DIAPH3: variants seen among roughly 807,000 people sequenced by gnomAD.
DIAPH3 encodes the protein protein diaphanous homolog 3.
In DIAPH3, 117 loss-of-function variants were observed where a neutral mutation model predicts 144.3. That is an observed-to-expected ratio of 0.81 (90% CI 0.70 to 0.95). The LOEUF (loss-of-function observed/expected upper bound fraction) is 0.95, where lower values mean the gene tolerates loss of function less well. DIAPH3 is among the 40% of genes least tolerant of loss of function. The pLI is 0.00. For missense variants in DIAPH3, 1,421 were observed against 1,412.7 expected (o/e 1.01, Z -0.09); for synonymous variants, 519 against 488.9 (o/e 1.06, Z -0.81).
At chr13:59,669,924 A>C (rs1273125987) in intron 27 of DIAPH3, among the ~76,000 whole-genome samples, 3 of 152,184 alleles carry the variant, frequency 2.0e-5, no homozygotes, top group African/African-American at 7.2e-5. Flanking sequence ...GCTAATGAAC[A>C]TGCATGCTGC....
At chr13:59,826,793 T>C (rs1487804633) in intron 24 of DIAPH3, among the ~76,000 whole-genome samples, 4 of 152,078 alleles carry the variant, frequency 2.6e-5, no homozygotes, top group African/African-American at 9.7e-5. Context: ...ACTACAAGGC[T>C]ACAGTAACCA....
intron 21 of DIAPH3, among the ~76,000 whole-genome samples, chr13:59,875,418 A>C (rs1334554597): frequency 3.3e-5 from 5 of 152,116 alleles, no homozygotes; most frequent in Non-Finnish European, 7.4e-5. Flanking sequence ...ACTGAAACGT[A>C]CATTTTTTTT....
At chr13:59,807,232 T>C (rs1488616550) in intron 25 of DIAPH3, among the ~76,000 whole-genome samples, 5 of 135,234 alleles carry the variant, frequency 3.7e-5, no homozygotes, top group African/African-American at 1.4e-4. Context: ...CATCATCATT[T>C]ATTGGGGTTT....
intron 4 of DIAPH3, among the ~76,000 whole-genome samples, chr13:60,092,014 T>A (rs761584614): frequency 1.3e-5 from 2 of 151,754 alleles, no homozygotes; most frequent in Non-Finnish European, 2.9e-5. Flanking sequence ...AGCTAATTTC[T>A]TTTTCTGGTT....
intron 4 of DIAPH3, among the ~76,000 whole-genome samples, chr13:60,066,902 G>C (rs116135426): frequency 1.4e-3 from 216 of 152,320 alleles, no homozygotes; most frequent in African/African-American, 4.7e-3. Context: ...GTATCAAAGT[G>C]ACACTGAATT....
chr13:59,892,147 T>G (rs1425159466), intron 20 of DIAPH3, among the ~76,000 whole-genome samples: 1 of 151,550 alleles, frequency 6.6e-6, no homozygotes, highest in African/African-American at 2.4e-5. Context: ...TAAACAAAAA[T>G]AAACGCTATA....
chr13:60,068,490 C>CT (rs1227436567), intron 4 of DIAPH3, among the ~76,000 whole-genome samples: 6 of 151,380 alleles, frequency 4.0e-5, no homozygotes, highest in Admixed American at 1.3e-4. Context: ...TTTTCTTTGT[C>CT]TTTTTTTTTA....
intron 4 of DIAPH3, among the ~76,000 whole-genome samples, chr13:60,071,998 C>T (rs1217606579): frequency 6.6e-6 from 1 of 152,114 alleles, no homozygotes; most frequent in Non-Finnish European, 1.5e-5. Context: ...CACTGCTAAT[C>T]ACCAAACATC....
At chr13:59,931,114 A>T (rs1339542753) in intron 17 of DIAPH3, among the ~76,000 whole-genome samples, 1 of 152,010 alleles carries the variant, frequency 6.6e-6, no homozygotes, top group Non-Finnish European at 1.5e-5. Flanking sequence ...AAAAAATGGG[A>T]ATGTTCTTTT....
In DIAPH3 at chr13:60,024,520, C is replaced by T. The variant is rs550713189; in HGVS notation, c.627-8375G>A. On this transcript the variant is annotated intron_variant, in intron 5 of 27. Transcript: ENST00000400324. The stretch of plus-strand genomic sequence containing the variant: ...TTTTTTTTCTTTTGTCAGCACATTC[C>T]TATTTGCCTATTGTAACACTTTTAT... 3.4e-3 allele frequency among the ~76,000 whole-genome samples: 515 copies of T among 152,158 alleles called. 3 individuals are homozygous for T. The highest frequency in any genetic ancestry group is 0.017 in the Middle Eastern group (5 of 294).
At chr13:59,794,000 C>T (rs948953660) in intron 25 of DIAPH3, among the ~76,000 whole-genome samples, 3 of 152,178 alleles carry the variant, frequency 2.0e-5, no homozygotes, top group Non-Finnish European at 4.4e-5. Flanking sequence ...ACACATTCAA[C>T]AGAAACTGTA....
At chr13:59,956,727 T>C (rs1481469630) in intron 17 of DIAPH3, among the ~76,000 whole-genome samples, 1 of 152,106 alleles carries the variant, frequency 6.6e-6, no homozygotes, top group Non-Finnish European at 1.5e-5. Context: ...GCTTGCACCA[T>C]GCACCAGGAA....
intron 2 of DIAPH3, among the ~76,000 whole-genome samples, chr13:60,113,463 A>G (rs750379169): frequency 2.0e-5 from 3 of 152,224 alleles, no homozygotes; most frequent in Non-Finnish European, 4.4e-5. Flanking sequence ...TAAATTTACT[A>G]TGAAGATAAT....
chr13:59,910,530 C>A (rs1313057048), intron 20 of DIAPH3, among the ~76,000 whole-genome samples: 1 of 151,940 alleles, frequency 6.6e-6, no homozygotes, highest in Non-Finnish European at 1.5e-5. Context: ...GAGTTCGAGA[C>A]CAGCCTGGCC....
At position 59,819,998 on chromosome 13, in the gene DIAPH3, C is replaced by T. The variant is rs146619763; in HGVS notation, c.3028-9075G>A. Among the ~76,000 whole-genome samples the T allele has an allele frequency of 2.9e-3, 430 of 146,416 alleles. 2 individuals carry two copies. The highest frequency in any genetic ancestry group is 0.011 in the African/African-American group (420 of 39,950). On this transcript the variant is annotated intron_variant, in intron 24 of 27. Coordinates refer to ENST00000400324, the MANE Select transcript of DIAPH3 (RefSeq NM_001042517.2). ...GTAAATAGCTTATATCATTGCCTCA[C>T]ACATAAATTTTAGCCCTATATAAAT... is the stretch of plus-strand genomic sequence containing the variant.
At chr13:60,015,372 C>G (rs780952983) in intron 7 of DIAPH3, among the ~76,000 whole-genome samples, 2 of 152,090 alleles carry the variant, frequency 1.3e-5, no homozygotes, top group Non-Finnish European at 2.9e-5. Flanking sequence ...TTGGGTTAAG[C>G]CTCATTGCTC....
intron 27 of DIAPH3, among the ~76,000 whole-genome samples, chr13:59,727,196 G>C (rs1001628211): frequency 6.6e-6 from 1 of 152,124 alleles, no homozygotes; most frequent in Non-Finnish European, 1.5e-5. Flanking sequence ...AACAGCTGGT[G>C]GTCAAATCCA....
chr13:59,826,775 C>A (rs1207822491), intron 24 of DIAPH3, among the ~76,000 whole-genome samples: 1 of 152,080 alleles, frequency 6.6e-6, no homozygotes, highest in Non-Finnish European at 1.5e-5. Context: ...TACCTGACTT[C>A]AAACTACACT....
chr13:59,950,925 T>C (rs941055953), intron 17 of DIAPH3, among the ~76,000 whole-genome samples: 1 of 152,068 alleles, frequency 6.6e-6, no homozygotes, highest in Non-Finnish European at 1.5e-5. Context: ...TACGATGAAA[T>C]TGAATAGTGT....
Sources: gnomAD v4.1 joint callset for allele counts (sites outside exome capture counted in the v4.1 genomes callset) on GRCh38, gnomAD v4.1.1 for gene constraint, MANE v1.5 for transcripts, NCBI Gene and HGNC (gene_info 2026-07-23, HGNC 2026-07-21) for gene names.